Variants in TNFAIP8L2 observed in about 807,000 individuals in gnomAD.
The protein encoded by TNFAIP8L2 is tumor necrosis factor alpha-induced protein 8-like protein 2.
A neutral mutation model predicts 5.6 loss-of-function variants in TNFAIP8L2; 2 were observed. That is an observed-to-expected ratio of 0.36 (90% CI 0.15 to 1.13). The LOEUF (loss-of-function observed/expected upper bound fraction) is 1.13. Ranked by LOEUF, TNFAIP8L2 falls within the 50% of genes most tolerant of loss-of-function variation. The pLI, the probability that TNFAIP8L2 is intolerant of heterozygous loss-of-function variation, is 0.40. For synonymous variants in TNFAIP8L2, 91 were observed against 101.1 expected (o/e 0.90, Z 0.60); for missense variants, 216 against 241.8 (o/e 0.89, Z 0.71).
chr1:151,159,020 A>G lies in TNFAIP8L2; in HGVS notation c.323A>G (p.Asp108Gly). The change falls in exon 2 of 2, where the codon GAC (aspartate) becomes GGC (glycine). Residue 108 changes from aspartate to glycine, a missense_variant. Asp to Gly is a moderately conservative substitution (Grantham distance 94). Coordinates refer to ENST00000368910, the MANE Select transcript of TNFAIP8L2 (RefSeq NM_024575.5). ...AMTALSFGEV[D>G]FTFEAAVLAG... ...ACGGCACTTAGCTTTGGTGAGGTAG[A>G]CTTCACCTTCGAGGCTGCTGTTCTG... The G allele has an allele frequency of 6.2e-7, 1 of 1,614,230 alleles. No homozygotes were observed. Among genetic ancestry groups the G allele is most frequent in the Non-Finnish European group, 8.5e-7 (1 of 1,180,042 alleles).
At chr1:151,158,627 T>C (rs1683313534) in intron 1 of TNFAIP8L2, 39 bp from the exon 2 acceptor site, 1 of 1,336,938 alleles carries the variant, frequency 7.5e-7, no homozygotes, top group Non-Finnish European at 1.0e-6. Context: ...GGAAAAGCCA[T>C]TTCTCTCTTT....
intron 1 of TNFAIP8L2, among the ~76,000 whole-genome samples, chr1:151,158,458 C>T (rs1181501292): frequency 6.6e-6 from 1 of 151,962 alleles, no homozygotes; most frequent in South Asian, 2.1e-4. Context: ...CCGGGGCTAT[C>T]GCCACTCCCG....
chr1:151,159,145 T>G lies in TNFAIP8L2; in HGVS notation c.448T>G (p.Phe150Val), dbSNP rs1683344089. The G allele has an allele frequency of 4.3e-6, 7 of 1,614,224 alleles. No individual in the cohort carries two copies. Among genetic ancestry groups the G allele is most frequent in the Non-Finnish European group, 5.9e-6 (7 of 1,180,042 alleles). Reference sequence around the variant, plus strand: ...CCGCATCCGCCACGTGTTTGATCACTTCTCTGACCCAGGTCTGCTCACGGC... The same window carrying G: ...CCGCATCCGCCACGTGTTTGATCACGTCTCTGACCCAGGTCTGCTCACGGC... ...HGRIRHVFDH[F>V]SDPGLLTALY... is the part of the protein sequence containing the mutation. The change falls in exon 2 of 2, where the codon TTC (phenylalanine) becomes GTC (valine). Residue 150 changes from phenylalanine to valine, a missense_variant. Physicochemically the swap from Phe to Val is conservative, Grantham distance 50. Transcript: ENST00000368910.
intron 1 of TNFAIP8L2, among the ~76,000 whole-genome samples, chr1:151,157,540 C>T (rs1683266240): frequency 6.6e-6 from 1 of 152,154 alleles, no homozygotes; most frequent in Non-Finnish European, 1.5e-5. Context: ...GGACTGCCTG[C>T]CCTTCTTGAG....
At chr1:151,157,592 T>G (rs1223626804) in intron 1 of TNFAIP8L2, among the ~76,000 whole-genome samples, 1 of 152,194 alleles carries the variant, frequency 6.6e-6, no homozygotes, top group Non-Finnish European at 1.5e-5. Context: ...TTAACCACAC[T>G]GGGAGCATTC....
chr1:151,159,254 A>G lies in TNFAIP8L2; in HGVS notation c.*2A>G, dbSNP rs1388954668. The G allele has an allele frequency of 6.2e-7, 1 of 1,609,250 alleles. No individual in the cohort carries two copies. Among genetic ancestry groups the G allele is most frequent in the South Asian group, 1.1e-5 (1 of 90,762 alleles). Reference sequence around the variant, plus strand: ...CTGCTAGACGAAGGGAAGCTCTGAGAGCCCTGAGCCTAGCACATTCCACCT... The same window carrying G: ...CTGCTAGACGAAGGGAAGCTCTGAGGGCCCTGAGCCTAGCACATTCCACCT... On this transcript the variant is annotated 3_prime_UTR_variant, in exon 2 of 2. Transcript: ENST00000368910.
Position 151,158,921 on chromosome 1 carries a change from G to C in TNFAIP8L2, c.224G>C (p.Arg75Pro). ...KVAIKVAVLH[R>P]NGSFGPSELA... ...GCCATCAAGGTGGCTGTGCTGCACC[G>C]CAATGGCTCCTTTGGCCCCAGTGAG... Residue 75 changes from arginine to proline, a missense_variant, in exon 2 of 2, where the codon CGC (arginine) becomes CCC (proline). Transcript: ENST00000368910. 6.2e-7 allele frequency: 1 copy of C among 1,614,202 alleles called. No individual in the cohort carries two copies. The highest frequency in any genetic ancestry group is 8.5e-7 in the Non-Finnish European group (1 of 1,180,024).
rs150441460 is a variant in TNFAIP8L2, at chr1:151,157,767, C to T, written c.-32-899C>T. On this transcript the variant is annotated intron_variant, in intron 1 of 1. Transcript: ENST00000368910. ...GGATTGGGAAGGCTAAGATGACTGACGTAAAGCACTTGCATATAGTAGGTT... is the reference window on the plus strand; with the variant it reads ...GGATTGGGAAGGCTAAGATGACTGATGTAAAGCACTTGCATATAGTAGGTT... 4.6e-5 allele frequency among the ~76,000 whole-genome samples: 7 copies of T among 152,298 alleles called. No homozygotes were observed. In the East Asian group the frequency reaches 9.7e-4, roughly 21 times the overall value.
chr1:151,158,624 C>A, intron 1 of TNFAIP8L2, 42 bp from the exon 2 acceptor site: 2 of 1,317,828 alleles, frequency 1.5e-6, no homozygotes, highest in South Asian at 1.5e-5. Flanking sequence ...AAGGGAAAAG[C>A]CATTTCTCTC....
At chr1:151,158,450 G>A (rs368510232) in intron 1 of TNFAIP8L2, among the ~76,000 whole-genome samples, 8 of 151,980 alleles carry the variant, frequency 5.3e-5, no homozygotes, top group Non-Finnish European at 1.2e-4. Context: ...TCCTCCAGCC[G>A]GGGCTATCGC....
At chr1:151,157,608 AAGG>A (rs1222292749) in intron 1 of TNFAIP8L2, among the ~76,000 whole-genome samples, 2 of 152,096 alleles carry the variant, frequency 1.3e-5, no homozygotes, top group African/African-American at 4.8e-5. Flanking sequence ...CATTCCGGGG[AAGG>A]AGGTTTCTCT....
In TNFAIP8L2 at chr1:151,158,767, C is replaced by T. The variant is rs770422098; in HGVS notation, c.70C>T (p.Arg24Cys). 1.1e-5 allele frequency: 17 copies of T among 1,613,772 alleles called. No homozygotes were observed. The highest frequency in any genetic ancestry group is 5.3e-5 in the African/African-American group (4 of 74,862). The change falls in exon 2 of 2, where the codon CGC becomes TGC. Residue 24 changes from arginine (R) to cysteine (C), a missense_variant. Coordinates refer to ENST00000368910, the MANE Select transcript of TNFAIP8L2 (RefSeq NM_024575.5). The stretch of plus-strand genomic sequence containing the variant: ...GAAGCTACTGAGTAAGATGGCGGGT[C>T]GCTCTGTGGCTCATCTCTTCATAGA... ...EKKLLSKMAGRSVAHLFIDET... is the reference protein window; with the variant it reads ...EKKLLSKMAGCSVAHLFIDET...
At chr1:151,158,237 A>C (rs1683294083) in intron 1 of TNFAIP8L2, among the ~76,000 whole-genome samples, 1 of 151,594 alleles carries the variant, frequency 6.6e-6, no homozygotes, top group African/African-American at 2.4e-5. Flanking sequence ...GCAGGAGAAT[A>C]GCTTGAACCC....
At chr1:151,158,568 G>A in intron 1 of TNFAIP8L2, 98 bp from the exon 2 acceptor site, 1 of 950,734 alleles carries the variant, frequency 1.1e-6, no homozygotes, top group Non-Finnish European at 1.6e-6. Flanking sequence ...CGGAGAGGAT[G>A]ACAAACAAAG....
rs771556944 is a variant in TNFAIP8L2 at position 151,159,068 on chromosome 1, G to A, written c.371G>A (p.Arg124Gln). The stretch of plus-strand genomic sequence containing the variant: ...CTGGCTGGCCTGCTGACCGAGTGCC[G>A]GGATGTGCTGCTAGAGTTGGTGGAA... ...AVLAGLLTEC[R>Q]DVLLELVEHH... The change falls in exon 2 of 2, where the codon CGG becomes CAG. Residue 124 changes from arginine (R) to glutamine (Q), a missense_variant. By Grantham distance (43) the Arg-to-Gln change is conservative. Transcript: ENST00000368910. The A allele has an allele frequency of 1.6e-5, 26 of 1,613,970 alleles. No individual in the cohort carries two copies. Among genetic ancestry groups the A allele is most frequent in the African/African-American group, 1.2e-4 (9 of 74,938 alleles).
chr1:151,158,837 A>G lies in TNFAIP8L2; in HGVS notation c.140A>G (p.Lys47Arg). Reference protein sequence around the residue: ...EVLDELYRVSKEYTHSRPQAQ... With the variant: ...EVLDELYRVSREYTHSRPQAQ... ...CTAGATGAGCTCTACCGTGTGTCCA[A>G]GGAGTACACGCACAGCCGGCCCCAG... The change falls in exon 2 of 2, where the codon AAG becomes AGG. Residue 47 changes from lysine to arginine, a missense_variant. Coordinates refer to ENST00000368910, the MANE Select transcript of TNFAIP8L2 (RefSeq NM_024575.5). 2 of 1,614,194 alleles carry G rather than the reference A, an allele frequency of 1.2e-6. No homozygotes were observed. Among genetic ancestry groups the G allele is most frequent in the Non-Finnish European group, 1.7e-6 (2 of 1,180,044 alleles).
intron 1 of TNFAIP8L2, among the ~76,000 whole-genome samples, 166 bp from the exon 2 acceptor site, chr1:151,158,500 C>T (rs1683307278): frequency 6.6e-6 from 1 of 151,818 alleles, no homozygotes; most frequent in African/African-American, 2.4e-5. Context: ...TTTGCTACAG[C>T]ACTAAGGGGA....
At position 151,158,968 on chromosome 1, in the gene TNFAIP8L2, C is replaced by T. The variant is rs751661522; in HGVS notation, c.271C>T (p.Arg91Cys). 39 of 1,614,154 alleles carry T rather than the reference C, an allele frequency of 2.4e-5. No homozygotes were observed. The highest frequency in any genetic ancestry group is 3.3e-5 in the South Asian group (3 of 91,090). The stretch of plus-strand genomic sequence containing the variant: ...TGAGCTGGCCCTGGCTACCCGCTTT[C>T]GCCAGAAGCTGCGGCAGGGTGCCAT... ...PSELALATRF[R>C]QKLRQGAMTA... is the part of the protein sequence containing the mutation. The change falls in exon 2 of 2, where the codon CGC becomes TGC. Residue 91 changes from arginine to cysteine, a missense_variant. Physicochemically the swap from Arg to Cys is radical, Grantham distance 180 (BLOSUM62 -3). Transcript: ENST00000368910.
intron 1 of TNFAIP8L2, 150 bp from the exon 2 acceptor site, chr1:151,158,516 C>A: frequency 1.7e-6 from 1 of 572,118 alleles, no homozygotes; most frequent in Non-Finnish European, 3.1e-6. Context: ...GGGGAAAAAG[C>A]AGGCAGGAGC....
Sources: gnomAD v4.1 joint callset for allele counts (sites outside exome capture counted in the v4.1 genomes callset) on GRCh38, gnomAD v4.1.1 for gene constraint, MANE v1.5 for transcripts, NCBI Gene and HGNC (gene_info 2026-07-23, HGNC 2026-07-21) for gene names.